EDA: variants seen among roughly 807,000 people sequenced by gnomAD.
EDA encodes the protein ectodysplasin-A.
In EDA, 2 loss-of-function variants were observed where a neutral mutation model predicts 23.6. The observed-to-expected ratio is 0.08, with a 90% CI of 0.03 to 0.27. EDA has a LOEUF of 0.27. Ranked by LOEUF, EDA falls within the 10% of genes least tolerant of loss-of-function variation. The pLI is 1.00. For missense variants in EDA, 229 were observed against 324.2 expected (o/e 0.71, Z 2.26); for synonymous variants, 131 against 132.0 (o/e 0.99, Z 0.05).
chrX:69,662,504 C>T (rs1307900739), intron 1 of EDA, among the ~76,000 whole-genome samples: 1 of 112,260 alleles, frequency 8.9e-6, no homozygotes, highest in Admixed American at 9.5e-5. Context: ...ACTGTGAGTC[C>T]ATTAAACCTC....
chrX:69,638,224 A>G (rs1359251712), intron 1 of EDA, among the ~76,000 whole-genome samples: 5 of 111,903 alleles, frequency 4.5e-5, no homozygotes, highest in African/African-American at 6.5e-5. Context: ...CACTTTGCCA[A>G]TGAATTATAC....
chrX:69,950,946 T>C, intron 1 of EDA, among the ~76,000 whole-genome samples: 1 of 44,516 alleles, frequency 2.2e-5, no homozygotes, highest in Non-Finnish European at 3.8e-5. Context: ...TGTTGTGGGG[T>C]GGGGGGAGGG....
At chrX:69,673,528 A>G (rs1176040688) in intron 1 of EDA, among the ~76,000 whole-genome samples, 4 of 111,203 alleles carry the variant, frequency 3.6e-5, no homozygotes, top group Non-Finnish European at 7.5e-5. Flanking sequence ...TCATGAATTT[A>G]TCTTCCTTTT....
At chrX:69,831,646 A>G (rs2016612837) in intron 1 of EDA, among the ~76,000 whole-genome samples, 1 of 112,419 alleles carries the variant, frequency 8.9e-6, no homozygotes, top group Non-Finnish European at 1.9e-5. Context: ...GTCTTCCACA[A>G]TGGTTGAACT....
chrX:69,631,226 C>G (rs745719804), intron 1 of EDA, among the ~76,000 whole-genome samples: 10 of 108,877 alleles, frequency 9.2e-5, no homozygotes, highest in Non-Finnish European at 1.5e-4. Flanking sequence ...ACTAAAAATA[C>G]AAAAATCAAC....
Position 70,029,489 on chromosome X carries a change from T to C in EDA, c.707-15T>C. 8.3e-7 allele frequency: 1 copy of C among 1,211,637 alleles called. No homozygotes were observed. The highest frequency in any genetic ancestry group is 1.1e-6 in the Non-Finnish European group (1 of 894,983). On this transcript the variant is annotated splice_polypyrimidine_tract_variant and intron_variant, in intron 4 of 7. Coordinates refer to ENST00000374552, the MANE Select transcript of EDA (RefSeq NM_001399.5). ...AAAAGATTATGCCCTCTGATTGTCC[T>C]ATCCTATTTTGCAGGTGCTGCTGAT...
At chrX:69,995,861 G>A (rs754409784) in intron 2 of EDA, among the ~76,000 whole-genome samples, 5 of 111,859 alleles carry the variant, frequency 4.5e-5, no homozygotes, top group South Asian at 3.8e-4. Context: ...TGGAGTCCTC[G>A]CAGAGCACAG....
At chrX:70,035,009 G>A (rs1455242316) in intron 7 of EDA, among the ~76,000 whole-genome samples, 5 of 107,544 alleles carry the variant, frequency 4.6e-5, no homozygotes, top group East Asian at 3.0e-4. Context: ...CACCTGCTAC[G>A]TGCAGAGCAC....
chrX:69,679,330 G>A (rs955689319), intron 1 of EDA, among the ~76,000 whole-genome samples: 5 of 106,401 alleles, frequency 4.7e-5, no homozygotes, highest in Non-Finnish European at 9.7e-5. Flanking sequence ...GATGATGCTG[G>A]CCTCATAAAA....
chrX:69,885,617 C>T (rs1373550187), intron 1 of EDA, among the ~76,000 whole-genome samples: 2 of 112,018 alleles, frequency 1.8e-5, no homozygotes, highest in African/African-American at 6.5e-5. Context: ...ATTTTGCAGC[C>T]ATCCACAGAC....
chrX:69,987,603 G>T (rs909550332), intron 2 of EDA, among the ~76,000 whole-genome samples: 1 of 89,096 alleles, frequency 1.1e-5, no homozygotes, highest in Admixed American at 1.2e-4. Context: ...TCTAAGAAAA[G>T]CCTGTTTCCT....
At chrX:69,892,008 C>A in intron 1 of EDA, among the ~76,000 whole-genome samples, 1 of 111,697 alleles carries the variant, frequency 9.0e-6, no homozygotes. Context: ...AGAACCTAAG[C>A]TTTAAGTTTG....
chrX:69,898,661 T>A (rs1023651948), intron 1 of EDA, among the ~76,000 whole-genome samples: 2 of 111,209 alleles, frequency 1.8e-5, no homozygotes, highest in African/African-American at 6.5e-5. Context: ...TGAGAGAAAA[T>A]TTTTTCCTGA....
At chrX:69,919,384 A>G (rs930150534) in intron 1 of EDA, among the ~76,000 whole-genome samples, 1 of 112,444 alleles carries the variant, frequency 8.9e-6, no homozygotes, top group Non-Finnish European at 1.9e-5. Flanking sequence ...GAGACCGCCA[A>G]CTTGTTTCTC....
At chrX:69,770,046 C>A (rs1050306743) in intron 1 of EDA, among the ~76,000 whole-genome samples, 6 of 111,987 alleles carry the variant, frequency 5.4e-5, no homozygotes, top group African/African-American at 1.9e-4. Context: ...CGTTTTCACT[C>A]AGCACAATTC....
chrX:69,833,967 G>A (rs1236496337), intron 1 of EDA, among the ~76,000 whole-genome samples: 3 of 66,664 alleles, frequency 4.5e-5, no homozygotes, highest in Admixed American at 2.5e-4. Flanking sequence ...CCTACCCCAC[G>A]ACAGGCACCA....
intron 1 of EDA, among the ~76,000 whole-genome samples, chrX:69,921,349 A>G (rs1316909555): frequency 9.0e-6 from 1 of 111,703 alleles, no homozygotes; most frequent in Non-Finnish European, 1.9e-5. Flanking sequence ...AAGAAAATGT[A>G]TGTGTATACT....
intron 1 of EDA, among the ~76,000 whole-genome samples, chrX:69,798,212 A>G (rs1285581084): frequency 3.6e-5 from 4 of 111,363 alleles, no homozygotes; most frequent in South Asian, 3.9e-4. Context: ...AAATGCAATA[A>G]TAGTGGGGGA....
At chrX:69,840,541 C>T (rs2016871769) in intron 1 of EDA, among the ~76,000 whole-genome samples, 1 of 111,375 alleles carries the variant, frequency 9.0e-6, no homozygotes, top group Admixed American at 9.6e-5. Context: ...AGAAAATGAT[C>T]ATATGTATTA....
Sources: gnomAD v4.1 joint callset for allele counts (sites outside exome capture counted in the v4.1 genomes callset) on GRCh38, gnomAD v4.1.1 for gene constraint, MANE v1.5 for transcripts, NCBI Gene and HGNC (gene_info 2026-07-23, HGNC 2026-07-21) for gene names.